ANKRD17: variants seen among roughly 807,000 people sequenced by gnomAD.
The protein encoded by ANKRD17 is ankyrin repeat domain 17, also known as ankyrin repeat domain-containing protein 17.
Under a neutral mutation model 229.7 loss-of-function variants are expected in ANKRD17, and 19 were observed. The ratio of observed to expected loss-of-function variants is 0.08; its 90% CI spans 0.06 to 0.12. The LOEUF (loss-of-function observed/expected upper bound fraction) is 0.12. Among genes scored for constraint, ANKRD17 ranks in the 10% least tolerant of loss-of-function variants. The probability of loss-of-function intolerance (pLI) is 1.00; values close to 1 mark genes in which losing one functional copy is unlikely to be tolerated. For missense variants in ANKRD17, 2,176 were observed against 3,176.8 expected (o/e 0.68, Z 7.57); for synonymous variants, 1,112 against 1,146.1 (o/e 0.97, Z 0.60).
chr4:73,258,473 GCTT>G lies in ANKRD17; in HGVS notation c.193_195del (p.Lys65del), dbSNP rs754339094. 43 of 1,595,686 alleles carry G rather than the reference GCTT, an allele frequency of 2.7e-5. No individual in the cohort carries two copies. Among genetic ancestry groups the G allele is most frequent in the African/African-American group, 1.3e-4 (10 of 74,644 alleles). On this transcript the variant is annotated inframe_deletion, in exon 1 of 34. Transcript: ENST00000358602. ...GCCTTGTGGTGCTGCTGCTGCGGCG[GCTT>G]CTTCTTCAGGAGCAGGTCGCAGACT...
chr4:73,199,094 G>A (rs943826895), intron 1 of ANKRD17, among the ~76,000 whole-genome samples: 1 of 152,036 alleles, frequency 6.6e-6, no homozygotes, highest in African/African-American at 2.4e-5. Flanking sequence ...TATACCTCAA[G>A]ATTATGAAGA....
intron 16 of ANKRD17, among the ~76,000 whole-genome samples, chr4:73,125,868 A>G (rs1727393735): frequency 6.6e-6 from 1 of 152,234 alleles, no homozygotes; most frequent in African/African-American, 2.4e-5. Flanking sequence ...CGTGATTGAA[A>G]GAAATACTGT....
In ANKRD17 at chr4:73,135,118, T is replaced by A. The variant is rs1339458854; in HGVS notation, c.3233A>T (p.Gln1078Leu). 6.2e-7 allele frequency: 1 copy of A among 1,612,714 alleles called. No individual in the cohort carries two copies. Among genetic ancestry groups the A allele is most frequent in the East Asian group, 2.2e-5 (1 of 44,806 alleles). ...PIYPAIDIDA[Q>L]TESNHDTALT... ...ATCTCTCTTAAGTTTGGGACTTACC[T>A]GTGCATCAATATCAATGGCAGGGTA... Residue 1078 changes from glutamine to leucine, a missense_variant and splice_region_variant, in exon 16 of 34, where the codon CAG (glutamine) becomes CTG (leucine). By Grantham distance (113) the Gln-to-Leu change is moderately radical. This residue lies in a region of ANKRD17 where 230 missense variants were observed against 252.3 expected (regional missense o/e 0.91). Transcript: ENST00000358602.
rs1328989949 is a variant in ANKRD17 at position 73,115,998 on chromosome 4, A to C, written c.4189-82T>G. The C allele has an allele frequency of 4.4e-6, 5 of 1,141,404 alleles. No homozygotes were observed. In the African/African-American group the frequency reaches 6.1e-5, roughly 14 times the overall value. 70.7% of individuals were successfully genotyped at this position (1,141,404 alleles called of 1,614,324 possible). A position where few individuals can be genotyped will look rare whatever the true frequency, so the allele number is the denominator to read the frequency against. ...TATGCCTGAACTAACTTTAACAGTTAAGATTAGGGCCACAAAGTAAAGACT... is the reference window on the plus strand; with the variant it reads ...TATGCCTGAACTAACTTTAACAGTTCAGATTAGGGCCACAAAGTAAAGACT... On this transcript the variant is annotated intron_variant, in intron 22 of 33. Coordinates refer to ENST00000358602, the MANE Select transcript of ANKRD17 (RefSeq NM_032217.5).
chr4:73,171,178 G>GGGGGGAGA (rs1553928534), intron 2 of ANKRD17, among the ~76,000 whole-genome samples: 1 of 104,446 alleles, frequency 9.6e-6, no homozygotes, highest in Non-Finnish European at 1.8e-5. Context: ...CTCAGAGGGG[G>GGGGGGAGA]GAGAGAGAGA....
chr4:73,222,976 C>G (rs1342037488), intron 1 of ANKRD17: 1 of 1,534,628 alleles, frequency 6.5e-7, no homozygotes, highest in East Asian at 2.4e-5. Context: ...AGCCCTACCT[C>G]AAGAATGTCT....
In ANKRD17 at chr4:73,142,786, G is replaced by T. The variant is rs748908221; in HGVS notation, c.1958-19C>A. ...TTCGCTCCTAAAACAGAAAAGGCAT[G>T]GAAAATCATATTAGTAGAATGGTTT... On this transcript the variant is annotated intron_variant, in intron 11 of 33. Coordinates refer to ENST00000358602, the MANE Select transcript of ANKRD17 (RefSeq NM_032217.5). The T allele has an allele frequency of 5.3e-5, 84 of 1,587,702 alleles. No homozygotes were observed. The highest frequency in any genetic ancestry group is 6.9e-5 in the Non-Finnish European group (81 of 1,168,200).
At chr4:73,195,738 A>C (rs1217980320) in intron 1 of ANKRD17, among the ~76,000 whole-genome samples, 17 of 152,054 alleles carry the variant, frequency 1.1e-4, no homozygotes, top group Admixed American at 1.1e-3. Flanking sequence ...CAATCCCCTG[A>C]CCTCGTGATC....
chr4:73,138,654 C>G (rs1319423422), intron 15 of ANKRD17, among the ~76,000 whole-genome samples: 1 of 151,824 alleles, frequency 6.6e-6, no homozygotes, highest in Non-Finnish European at 1.5e-5. Context: ...CTGTTTATTC[C>G]TTTCATTTTT....
chr4:73,238,373 A>T (rs1298270464), intron 1 of ANKRD17, among the ~76,000 whole-genome samples: 1 of 152,132 alleles, frequency 6.6e-6, no homozygotes, highest in East Asian at 1.9e-4. Flanking sequence ...CATTTTGAGC[A>T]CTTACTGTAA....
intron 16 of ANKRD17, among the ~76,000 whole-genome samples, chr4:73,129,892 A>T (rs1383722353): frequency 6.6e-6 from 1 of 150,980 alleles, no homozygotes; most frequent in East Asian, 2.0e-4. Flanking sequence ...CCTCCCGAGT[A>T]GCTGGGACTA....
chr4:73,077,848 A>G (rs1721151910), intron 31 of ANKRD17, among the ~76,000 whole-genome samples: 1 of 152,256 alleles, frequency 6.6e-6, no homozygotes, highest in Non-Finnish European at 1.5e-5. Flanking sequence ...ATATTTTCTG[A>G]AAGCAGTAAT....
intron 1 of ANKRD17, among the ~76,000 whole-genome samples, chr4:73,247,750 TTGATA>T (rs2149274302): frequency 1.3e-5 from 2 of 152,114 alleles, no homozygotes; most frequent in Non-Finnish European, 2.9e-5. Context: ...ATCTCTTCAA[TTGATA>T]TATTTGAAGA....
chr4:73,207,826 T>A (rs1220422112), intron 1 of ANKRD17, among the ~76,000 whole-genome samples: 2 of 152,124 alleles, frequency 1.3e-5, no homozygotes, highest in African/African-American at 4.8e-5. Context: ...ACAATTATAT[T>A]TTGGAGATTT....
intron 1 of ANKRD17, among the ~76,000 whole-genome samples, chr4:73,227,019 A>T (rs1742580939): frequency 6.6e-6 from 1 of 152,148 alleles, no homozygotes; most frequent in Admixed American, 6.5e-5. Flanking sequence ...ATCCCCTTTA[A>T]TTCTGTTTTC....
At position 73,144,838 on chromosome 4, in the gene ANKRD17, TAAAAA is replaced by T; in HGVS notation, c.1870-11_1870-7del. On this transcript the variant is annotated splice_region_variant and splice_polypyrimidine_tract_variant and intron_variant, in intron 10 of 33. Transcript: ENST00000358602. Reference sequence around the variant, plus strand: ...CCACCTTCAGATTCATGTTCCTGTTTAAAAAAAAAAAAAAAGACTTGACATTTAAT... The same window carrying T: ...CCACCTTCAGATTCATGTTCCTGTTTAAAAAAAAAAGACTTGACATTTAAT... 3 of 1,341,210 alleles carry T rather than the reference TAAAAA, an allele frequency of 2.2e-6. No individual in the cohort carries two copies. Among genetic ancestry groups the T allele is most frequent in the Non-Finnish European group, 3.0e-6 (3 of 990,698 alleles). 83.1% of individuals were successfully genotyped at this position (1,341,210 alleles called of 1,614,324 possible).
intron 1 of ANKRD17, among the ~76,000 whole-genome samples, chr4:73,202,222 T>G (rs980391990): frequency 6.8e-6 from 1 of 147,436 alleles, no homozygotes; most frequent in African/African-American, 2.5e-5. Context: ...TAAAAGAGTA[T>G]GACCCACTGA....
chr4:73,120,395 T>C, intron 20 of ANKRD17, 58 bp from the exon 21 acceptor site: 2 of 1,499,228 alleles, frequency 1.3e-6, no homozygotes, highest in Non-Finnish European at 1.8e-6. Flanking sequence ...AGATCTAAAA[T>C]TGTAAAGAAT....
chr4:73,094,774 A>G (rs536703816), intron 27 of ANKRD17, among the ~76,000 whole-genome samples: 2 of 151,732 alleles, frequency 1.3e-5, no homozygotes, highest in Non-Finnish European at 2.9e-5. Context: ...TTGGGCATCT[A>G]ATCTAGCCTC....
Sources: gnomAD v4.1 joint callset for allele counts (sites outside exome capture counted in the v4.1 genomes callset) on GRCh38, gnomAD v4.1.1 for gene constraint, gnomAD v4.1.1 regional missense constraint, MANE v1.5 for transcripts, NCBI Gene and HGNC (gene_info 2026-07-23, HGNC 2026-07-21) for gene names.